NBPF20: variants seen among roughly 807,000 people sequenced by gnomAD.
NBPF20 encodes NBPF family member NBPF20.
A neutral mutation model predicts 68.1 loss-of-function variants in NBPF20; 90 were observed. The observed-to-expected ratio is 1.32, with a 90% CI of 1.11 to 1.58. The LOEUF is 1.58. NBPF20 is among the 40% of genes most tolerant of loss of function. NBPF20 has a pLI of 0.00. For synonymous variants in NBPF20, 290 were observed against 228.1 expected, an observed-to-expected ratio of 1.27 and a Z score of -2.45; for missense variants, 816 against 601.2, an observed-to-expected ratio of 1.36 and a Z score of -3.74.
chr1:145,419,130 A>C, the NBPF20 span, among the ~76,000 whole-genome samples: 13 of 134,550 alleles, frequency 9.7e-5, no homozygotes, highest in East Asian at 3.3e-3. Flanking sequence ...GCAGGGAGGA[A>C]GGGAGGAAGG....
At chr1:145,400,003 A>G (rs1330673426) in intron 6 of NBPF20, among the ~76,000 whole-genome samples, 66 of 152,310 alleles carry the variant, frequency 4.3e-4, no homozygotes, top group African/African-American at 1.2e-3. Context: ...GGGGAACAAT[A>G]TTTCCAAATA....
chr1:145,415,124 C>A, the NBPF20 span, among the ~76,000 whole-genome samples: 1 of 151,910 alleles, frequency 6.6e-6, no homozygotes, highest in East Asian at 1.9e-4. Flanking sequence ...AGAAGATCAG[C>A]AGGTAAACAC....
intron 9 of NBPF20, chr1:145,393,650 A>G: frequency 9.0e-7 from 1 of 1,114,354 alleles, no homozygotes; most frequent in Non-Finnish European, 1.3e-6. Flanking sequence ...AGTTACCATG[A>G]GAATACAGCT....
intron 2 of NBPF20, among the ~76,000 whole-genome samples, chr1:145,404,258 T>C (rs1662662301): frequency 1.7e-5 from 2 of 119,178 alleles, no homozygotes; most frequent in African/African-American, 6.9e-5. Flanking sequence ...GATTTATTTA[T>C]CTTTTTGTTT....
At chr1:145,377,690 T>A (rs1195179657) in intron 29 of NBPF20, among the ~76,000 whole-genome samples, 5 of 129,794 alleles carry the variant, frequency 3.9e-5, no homozygotes, top group Non-Finnish European at 8.3e-5. Context: ...GTTGGCCGGG[T>A]GACACACTGA....
the NBPF20 span, among the ~76,000 whole-genome samples, chr1:145,424,705 CAGAA>C: frequency 2.0e-4 from 31 of 152,164 alleles, no homozygotes; most frequent in African/African-American, 7.5e-4. Context: ...TCTAACAAGC[CAGAA>C]AGACAGACAG....
upstream of NBPF20, among the ~76,000 whole-genome samples, chr1:145,406,197 G>T (rs2101595419): frequency 6.7e-6 from 1 of 149,922 alleles, no homozygotes; most frequent in Admixed American, 6.7e-5. Context: ...GCCTCCCAAA[G>T]TACTGGGATT....
chr1:145,291,544 T>G lies in NBPF20; in HGVS notation c.16923A>C (p.Gly5641=), dbSNP rs376413621. The change falls in exon 138 of 138, where the codon GGA becomes GGC. Residue 5641 remains glycine, a synonymous_variant. Coordinates refer to ENST00000369373, the Ensembl canonical transcript of NBPF20. ...GGGCTGTTTATTGTGGGAATATGAC[T>G]CCCATCTGGAACACCAGGTGGAGAC... is the stretch of plus-strand genomic sequence containing the variant. 2.5e-6 allele frequency: 4 copies of G among 1,611,984 alleles called. No homozygotes were observed. The East Asian group carries it at 8.9e-5, about 36-fold the overall frequency.
At chr1:145,291,524 G>C (rs782635369) in exon 138 of NBPF20, 2 of 1,612,000 alleles carry the variant, frequency 1.2e-6, no homozygotes, top group Non-Finnish European at 1.7e-6. Flanking sequence ...AGTAAGGGCT[G>C]TTTATTGTGG....
At chr1:145,425,568 G>C in the NBPF20 span, among the ~76,000 whole-genome samples, 3 of 152,278 alleles carry the variant, frequency 2.0e-5, no homozygotes, top group Non-Finnish European at 4.4e-5. Context: ...CATAGCCTGC[G>C]GCCAGCTGGA....
exon 138 of NBPF20, chr1:145,291,239 G>C (rs1475104032): frequency 3.6e-6 from 2 of 558,956 alleles, no homozygotes; most frequent in Non-Finnish European, 6.3e-6. Flanking sequence ...AAATCCCTGA[G>C]GAATTTTGTA....
At chr1:145,408,693 A>T (rs1419131868), upstream of NBPF20, among the ~76,000 whole-genome samples, 1 of 151,962 alleles carries the variant, frequency 6.6e-6, no homozygotes, top group Non-Finnish European at 1.5e-5. Context: ...TGTTGATGTA[A>T]TATGCTAACA....
In NBPF20 at chr1:145,402,765, G is replaced by A. The variant is rs1170645916; in HGVS notation, c.279-384C>T. On this transcript the variant is annotated intron_variant, in intron 3 of 137. Transcript: ENST00000369373. ...AAAGCTATGTACAGAAATGAGGCCA[G>A]GTGCAGATGGGGCGAATTGAAAAGA... is the stretch of plus-strand genomic sequence containing the variant. Among the ~76,000 whole-genome samples the A allele has an allele frequency of 2.7e-5, 4 of 149,644 alleles. No individual in the cohort carries two copies. The East Asian group carries it at 7.8e-4, about 29-fold the overall frequency.
the NBPF20 span, among the ~76,000 whole-genome samples, chr1:145,410,766 G>T: frequency 3.6e-5 from 4 of 111,542 alleles, no homozygotes; most frequent in African/African-American, 6.8e-5. Flanking sequence ...ATATATATAC[G>T]TATATATATA....
At chr1:145,402,833 TTGAG>T (rs1436006255) in intron 3 of NBPF20, among the ~76,000 whole-genome samples, 1 of 150,590 alleles carries the variant, frequency 6.6e-6, no homozygotes, top group African/African-American at 2.5e-5. Context: ...GCAACATTGA[TTGAG>T]TGAAAGAATG....
chr1:145,397,309 G>A (rs1553664143), intron 7 of NBPF20, among the ~76,000 whole-genome samples: 3 of 151,984 alleles, frequency 2.0e-5, no homozygotes, highest in Admixed American at 6.6e-5. Context: ...GGGTCAAATG[G>A]TATTTCTAGT....
chr1:145,291,700 A>T (rs201353547), exon 138 of NBPF20: 1 of 1,611,910 alleles, frequency 6.2e-7, no homozygotes, highest in Non-Finnish European at 8.5e-7. Flanking sequence ...TTGACGGAGT[A>T]GAATAACATC....
At chr1:145,415,086 G>A in the NBPF20 span, among the ~76,000 whole-genome samples, 708 of 133,890 alleles carry the variant, frequency 5.3e-3, no homozygotes, top group South Asian at 8.2e-3. Context: ...AGAGGGGGAT[G>A]TGGCAGGACA....
At chr1:145,419,674 C>T in the NBPF20 span, among the ~76,000 whole-genome samples, 23 of 152,066 alleles carry the variant, frequency 1.5e-4, no homozygotes, top group East Asian at 3.9e-4. Context: ...ACCTGGTGGA[C>T]GGCCACGTGA....
Sources: allele counts gnomAD v4.1 joint callset (sites outside exome capture counted in the v4.1 genomes callset), GRCh38; gene constraint gnomAD v4.1.1; transcripts MANE v1.5; gene names NCBI Gene and HGNC (gene_info 2026-07-23, HGNC 2026-07-21).